KAZN: variants seen among roughly 807,000 people sequenced by gnomAD.
The protein encoded by KAZN is kazrin.
In KAZN, 40 loss-of-function variants were observed where a neutral mutation model predicts 87.4. The observed-to-expected ratio is 0.46, with a 90% CI of 0.36 to 0.60. The LOEUF (loss-of-function observed/expected upper bound fraction) is 0.60, where lower values mean the gene tolerates loss of function less well. Ranked by LOEUF, KAZN falls within the 20% of genes least tolerant of loss-of-function variation. The pLI, the probability that KAZN is intolerant of heterozygous loss-of-function variation, is 0.00. For synonymous variants in KAZN, 466 were observed against 458.3 expected (o/e 1.02, Z -0.22); for missense variants, 898 against 1,073.9 (o/e 0.84, Z 2.29).
At chr1:14,796,594 G>A (rs1455958935) in intron 1 of KAZN, among the ~76,000 whole-genome samples, 1 of 152,214 alleles carries the variant, frequency 6.6e-6, no homozygotes, top group African/African-American at 2.4e-5. Context: ...TACAAAAAGG[G>A]TATAGACGTG....
chr1:14,279,961 A>G (rs1652710940), intron 2 of KAZN, among the ~76,000 whole-genome samples: 1 of 152,066 alleles, frequency 6.6e-6, no homozygotes, highest in Non-Finnish European at 1.5e-5. Flanking sequence ...ACTGTTAGGG[A>G]TTGGGAATCG....
chr1:14,701,941 C>T (rs1641945761), intron 1 of KAZN, among the ~76,000 whole-genome samples: 1 of 152,216 alleles, frequency 6.6e-6, no homozygotes, highest in Non-Finnish European at 1.5e-5. Flanking sequence ...GTCTCAGTAT[C>T]TCTGCCTCCC....
At chr1:14,616,517 T>C (rs1027625975) in intron 1 of KAZN, among the ~76,000 whole-genome samples, 4 of 151,918 alleles carry the variant, frequency 2.6e-5, no homozygotes, top group African/African-American at 9.7e-5. Context: ...TAAAACACTA[T>C]AATTTTCTTG....
intron 1 of KAZN, among the ~76,000 whole-genome samples, chr1:14,918,846 C>T (rs1158406590): frequency 6.6e-6 from 1 of 151,150 alleles, no homozygotes; most frequent in Non-Finnish European, 1.5e-5. Flanking sequence ...AGCAGCTCCA[C>T]CTGACACCTT....
At chr1:14,614,103 C>A (rs138393975) in intron 1 of KAZN, among the ~76,000 whole-genome samples, 1 of 152,200 alleles carries the variant, frequency 6.6e-6, no homozygotes. Flanking sequence ...CCATCACTAA[C>A]TAGTGTCACC....
intron 1 of KAZN, among the ~76,000 whole-genome samples, chr1:14,873,091 GAT>G (rs1652358849): frequency 1.4e-5 from 2 of 144,228 alleles, no homozygotes; most frequent in Non-Finnish European, 3.0e-5. Context: ...TGGATGGAAG[GAT>G]GGATGGATGG....
rs1315177476 is a variant in KAZN at position 15,099,511 on chromosome 1, T to C, written c.1548-2032T>C. On this transcript the variant is annotated intron_variant, in intron 10 of 14. Coordinates refer to ENST00000376030, the MANE Select transcript of KAZN (RefSeq NM_201628.3). The surrounding 1 kb of genome is among the most constrained non-coding windows in gnomAD (Gnocchi z 5.4). ...CCAAGGGATGAGGAGGGGTGAGCCC[T>C]GGGCAGGGTTGCAAGGGGCTGGCCG... Among the ~76,000 whole-genome samples, 2 of 151,348 alleles carry C rather than the reference T, an allele frequency of 1.3e-5. No individual in the cohort carries two copies. The highest frequency in any genetic ancestry group is 2.9e-5 in the Non-Finnish European group (2 of 67,836).
At chr1:14,204,334 G>T (rs934790864) in intron 2 of KAZN, among the ~76,000 whole-genome samples, 1 of 152,156 alleles carries the variant, frequency 6.6e-6, no homozygotes, top group East Asian at 1.9e-4. Flanking sequence ...GGATTCATTT[G>T]TTATTTCTGA....
At chr1:14,239,463 T>TTTC (rs1277487126) in intron 2 of KAZN, among the ~76,000 whole-genome samples, 1 of 146,640 alleles carries the variant, frequency 6.8e-6, no homozygotes, top group East Asian at 2.0e-4. Context: ...TTCTTTTTTT[T>TTTC]TTTTTTTTTT....
intron 1 of KAZN, among the ~76,000 whole-genome samples, chr1:14,871,086 G>T (rs2101057612): frequency 6.6e-6 from 1 of 152,304 alleles, no homozygotes; most frequent in South Asian, 2.1e-4. Flanking sequence ...TGTTGCCTGA[G>T]CCCAGGTGTG....
chr1:14,108,474 T>G (rs1204770217), intron 1 of KAZN, among the ~76,000 whole-genome samples: 1 of 152,166 alleles, frequency 6.6e-6, no homozygotes, highest in Non-Finnish European at 1.5e-5. Context: ...TGAACTGTTT[T>G]TAAGAGGCTG....
At chr1:14,214,380 C>CA (rs1377221115) in intron 2 of KAZN, among the ~76,000 whole-genome samples, 13 of 152,250 alleles carry the variant, frequency 8.5e-5, no homozygotes, top group Admixed American at 2.6e-4. Flanking sequence ...CTCAGCACCA[C>CA]AACCATGTCT....
chr1:14,243,673 T>G (rs902079846), intron 2 of KAZN, among the ~76,000 whole-genome samples: 1 of 152,284 alleles, frequency 6.6e-6, no homozygotes, highest in South Asian at 2.1e-4. Flanking sequence ...TCCAAACAAA[T>G]AAATAATAAA....
At position 14,769,190 on chromosome 1, in the gene KAZN, A is replaced by C. The variant is rs970033750; in HGVS notation, c.226+169967A>C. ...CACCTTTGAGTCTGACCCTGTCATCAGTCCTTCACTCTGATAAGCTTGGCG... is the reference window on the plus strand; with the variant it reads ...CACCTTTGAGTCTGACCCTGTCATCCGTCCTTCACTCTGATAAGCTTGGCG... On this transcript the variant is annotated intron_variant, in intron 1 of 14. Transcript: ENST00000376030. The surrounding 1 kb of genome is among the most constrained non-coding windows in gnomAD (Gnocchi z 4.1). Among the ~76,000 whole-genome samples, 1 of 152,184 alleles carries C rather than the reference A, an allele frequency of 6.6e-6. No individual in the cohort carries two copies. Among genetic ancestry groups the C allele is most frequent in the Non-Finnish European group, 1.5e-5 (1 of 68,036 alleles).
chr1:14,029,126 C>T (rs1641212181), intron 1 of KAZN, among the ~76,000 whole-genome samples: 4 of 135,428 alleles, frequency 3.0e-5, no homozygotes, highest in African/African-American at 8.3e-5. Context: ...CACATCCTCT[C>T]CAGCACCTGT....
intron 1 of KAZN, among the ~76,000 whole-genome samples, chr1:14,868,006 A>G (rs1457811408): frequency 4.2e-5 from 3 of 71,980 alleles, no homozygotes; most frequent in African/African-American, 1.2e-4. Context: ...CAGGCATCAC[A>G]AACGTGGGCA....
At chr1:14,801,968 G>A (rs1271494385) in intron 1 of KAZN, among the ~76,000 whole-genome samples, 1 of 152,036 alleles carries the variant, frequency 6.6e-6, no homozygotes, top group Non-Finnish European at 1.5e-5. Flanking sequence ...ACACGCGTCG[G>A]CCACCGTGCC....
intron 1 of KAZN, among the ~76,000 whole-genome samples, chr1:13,898,697 A>G (rs1413681765): frequency 2.0e-5 from 3 of 152,090 alleles, no homozygotes; most frequent in African/African-American, 7.2e-5. Flanking sequence ...ATGATTAGTG[A>G]GGGATTGGTC....
chr1:14,607,173 T>C (rs1166378584), intron 1 of KAZN, among the ~76,000 whole-genome samples: 1 of 152,224 alleles, frequency 6.6e-6, no homozygotes, highest in Non-Finnish European at 1.5e-5. Flanking sequence ...ATTGATTTAA[T>C]GATAGATGAT....
Sources: gnomAD v4.1 joint callset for allele counts (sites outside exome capture counted in the v4.1 genomes callset) on GRCh38, gnomAD v4.1.1 for gene constraint, Gnocchi (gnomAD v3.1) non-coding constraint, MANE v1.5 for transcripts, NCBI Gene and HGNC (gene_info 2026-07-23, HGNC 2026-07-21) for gene names.